Variants in PRKCE observed in about 807,000 individuals in gnomAD.
PRKCE encodes the protein protein kinase C epsilon type.
In PRKCE, 16 loss-of-function variants were observed where a neutral mutation model predicts 85.4. The observed-to-expected ratio is 0.19, with a 90% CI of 0.13 to 0.28. The LOEUF (loss-of-function observed/expected upper bound fraction) is 0.28, where lower values mean the gene tolerates loss of function less well. Among genes scored for constraint, PRKCE ranks in the 10% least tolerant of loss-of-function variants. PRKCE has a pLI of 1.00. For missense variants in PRKCE, 573 were observed against 975.2 expected, an observed-to-expected ratio of 0.59 and a Z score of 5.49; for synonymous variants, 388 against 371.5, an observed-to-expected ratio of 1.04 and a Z score of -0.51.
At chr2:45,736,878 T>C (rs1386916352) in intron 1 of PRKCE, among the ~76,000 whole-genome samples, 1 of 152,214 alleles carries the variant, frequency 6.6e-6, no homozygotes, top group African/African-American at 2.4e-5. Context: ...GTAAGGATCA[T>C]TTTGGTTTAA....
At chr2:46,152,492 A>G (rs1414980951) in intron 13 of PRKCE, among the ~76,000 whole-genome samples, 9 of 151,474 alleles carry the variant, frequency 5.9e-5, no homozygotes, top group African/African-American at 2.2e-4. Flanking sequence ...TGTATTTTAC[A>G]AAGAAATTTT....
intron 6 of PRKCE, among the ~76,000 whole-genome samples, chr2:45,991,014 C>CT (rs146375497): frequency 0.04 from 5,666 of 140,900 alleles, 159 homozygotes; most frequent in East Asian, 0.14. Flanking sequence ...TTTCTTTCTT[C>CT]TTTTTTTTTT....
intron 2 of PRKCE, among the ~76,000 whole-genome samples, chr2:45,953,878 C>T (rs1318866612): frequency 1.3e-5 from 2 of 152,182 alleles, no homozygotes; most frequent in African/African-American, 4.8e-5. Flanking sequence ...TTTCGTGTAC[C>T]TCCTGGACCT....
intron 2 of PRKCE, among the ~76,000 whole-genome samples, chr2:45,884,544 C>T (rs1381564973): frequency 1.3e-5 from 2 of 152,062 alleles, no homozygotes; most frequent in Non-Finnish European, 2.9e-5. Context: ...TGTCTTGTCT[C>T]GACACCTACG....
chr2:46,043,843 T>C lies in PRKCE; in HGVS notation c.1437+33326T>C, dbSNP rs1027085473. 2.6e-5 allele frequency among the ~76,000 whole-genome samples: 4 copies of C among 152,254 alleles called. No individual in the cohort carries two copies. In the South Asian group the frequency reaches 6.2e-4, roughly 24 times the overall value. On this transcript the variant is annotated intron_variant, in intron 10 of 14. Coordinates refer to ENST00000306156, the MANE Select transcript of PRKCE (RefSeq NM_005400.3). The stretch of plus-strand genomic sequence containing the variant: ...TCTGAAAACATGAGTGTTTCTGTGA[T>C]TGAAATAGTGGCTGATTGTTTAGGA...
At chr2:45,946,196 A>G (rs1187749337) in intron 2 of PRKCE, among the ~76,000 whole-genome samples, 1 of 152,156 alleles carries the variant, frequency 6.6e-6, no homozygotes, top group Non-Finnish European at 1.5e-5. Context: ...CCTGCCCACA[A>G]CTGGGTTCTG....
rs912231414 is a variant in PRKCE, at chr2:46,057,653, C to T, written c.1438-28555C>T. Among the ~76,000 whole-genome samples, 6 of 152,064 alleles carry T rather than the reference C, an allele frequency of 3.9e-5. No homozygotes were observed. In the South Asian group the frequency reaches 6.2e-4, roughly 16 times the overall value. On this transcript the variant is annotated intron_variant, in intron 10 of 14. Coordinates refer to ENST00000306156, the MANE Select transcript of PRKCE (RefSeq NM_005400.3). ...TTCGCCACGTTGGCCAGGCTGGTCT[C>T]GAACTCCTGACCTCAGGTAATCCAC...
At chr2:45,946,255 G>C (rs148636090) in intron 2 of PRKCE, among the ~76,000 whole-genome samples, 2 of 152,188 alleles carry the variant, frequency 1.3e-5, no homozygotes, top group African/African-American at 4.8e-5. Flanking sequence ...AGTTATGCCC[G>C]GTCATCTATG....
At position 46,022,667 on chromosome 2, in the gene PRKCE, C is replaced by T. The variant is rs117692838; in HGVS notation, c.1437+12150C>T. On this transcript the variant is annotated intron_variant, in intron 10 of 14. Transcript: ENST00000306156. ...CCAAACTCAAACACATTTTCAATGACTAATGCTCCTACATCAGAAAATTTA... is the reference window on the plus strand; with the variant it reads ...CCAAACTCAAACACATTTTCAATGATTAATGCTCCTACATCAGAAAATTTA... Among the ~76,000 whole-genome samples the T allele has an allele frequency of 2.8e-3, 422 of 152,370 alleles. 9 individuals carry two copies. The East Asian group carries it at 0.039, about 14-fold the overall frequency.
At chr2:46,054,461 C>G (rs1218151776) in intron 10 of PRKCE, among the ~76,000 whole-genome samples, 1 of 152,238 alleles carries the variant, frequency 6.6e-6, no homozygotes, top group African/African-American at 2.4e-5. Context: ...CCCTCAGCCT[C>G]TGCTCACTAG....
At chr2:45,975,815 C>T (rs1037864185) in intron 2 of PRKCE, among the ~76,000 whole-genome samples, 2 of 152,124 alleles carry the variant, frequency 1.3e-5, no homozygotes, top group Admixed American at 6.6e-5. Context: ...AAACTACTTT[C>T]ACTGTGTCAT....
In PRKCE at chr2:45,884,988, TATATATATATATA is replaced by T. The variant is rs1372794885; in HGVS notation, c.412+41926_412+41938del. The stretch of plus-strand genomic sequence containing the variant: ...ATATATATATATATATATATATATA[TATATATATATATA>T]TTTGTTGTTGTTGTTGTTGTTTTAC... On this transcript the variant is annotated intron_variant, in intron 2 of 14. Coordinates refer to ENST00000306156, the MANE Select transcript of PRKCE (RefSeq NM_005400.3). Among the ~76,000 whole-genome samples the T allele has an allele frequency of 5.1e-3, 353 of 68,570 alleles. 26 individuals carry two copies. In the East Asian group the frequency reaches 0.19, roughly 38 times the overall value. 45.0% of individuals were successfully genotyped at this position (68,570 alleles called of 152,430 possible).
At chr2:45,952,660 C>G (rs538087192) in intron 2 of PRKCE, among the ~76,000 whole-genome samples, 1 of 152,330 alleles carries the variant, frequency 6.6e-6, no homozygotes, top group East Asian at 1.9e-4. Context: ...TTCAAAAGCA[C>G]TCACCACAGG....
intron 1 of PRKCE, among the ~76,000 whole-genome samples, chr2:45,817,619 G>A (rs867471019): frequency 2.1e-4 from 32 of 152,246 alleles, no homozygotes; most frequent in Admixed American, 3.9e-4. Flanking sequence ...GCGTGAACCC[G>A]GAAAGCGGAG....
intron 10 of PRKCE, among the ~76,000 whole-genome samples, chr2:46,081,325 T>G (rs1205184346): frequency 6.6e-6 from 1 of 152,302 alleles, no homozygotes; most frequent in East Asian, 1.9e-4. Context: ...CCCCCTAACC[T>G]TTTTTGTTCT....
chr2:45,979,073 C>T, intron 4 of PRKCE, 63 bp downstream of exon 4: 1 of 1,483,906 alleles, frequency 6.7e-7, no homozygotes, highest in Non-Finnish European at 9.3e-7. Flanking sequence ...CACTGGCACC[C>T]ATAGGAGGCA....
intron 10 of PRKCE, among the ~76,000 whole-genome samples, chr2:46,015,306 T>A (rs1706030618): frequency 6.6e-6 from 1 of 152,204 alleles, no homozygotes; most frequent in Non-Finnish European, 1.5e-5. Flanking sequence ...CCCCCATTGT[T>A]GAAACCATTC....
chr2:45,758,736 C>A (rs1179300891), intron 1 of PRKCE, among the ~76,000 whole-genome samples: 1 of 152,176 alleles, frequency 6.6e-6, no homozygotes, highest in African/African-American at 2.4e-5. Flanking sequence ...TTTGTTTTCT[C>A]TACAGTTATG....
chr2:45,733,399 C>A (rs1681758512), intron 1 of PRKCE, among the ~76,000 whole-genome samples: 2 of 152,130 alleles, frequency 1.3e-5, no homozygotes, highest in South Asian at 4.2e-4. Flanking sequence ...GGTCTCTGTC[C>A]TCATGGAGCT....
Sources: allele counts gnomAD v4.1 joint callset (sites outside exome capture counted in the v4.1 genomes callset), GRCh38; gene constraint gnomAD v4.1.1; transcripts MANE v1.5; gene names NCBI Gene and HGNC (gene_info 2026-07-23, HGNC 2026-07-21).